The following FAM168B variants were observed in gnomAD, a reference collection of about 807,000 sequenced individuals.
FAM168B encodes family with sequence similarity 168 member B.
FAM168B carries 19 observed loss-of-function variants against 21.8 expected under a neutral mutation model. The ratio of observed to expected loss-of-function variants is 0.87; its 90% confidence interval spans 0.61 to 1.28. The LOEUF (loss-of-function observed/expected upper bound fraction) is 1.28, where lower values mean the gene tolerates loss of function less well. Ranked by LOEUF, FAM168B falls within the 50% of genes most tolerant of loss-of-function variation. The pLI is 0.00. For synonymous variants in FAM168B, 126 were observed against 104.8 expected (o/e 1.20, Z -1.24); for missense variants, 233 against 263.1 (o/e 0.89, Z 0.79).
At position 131,087,286 on chromosome 2, in the gene FAM168B, T is replaced by C. The variant is rs1270988100; in HGVS notation, c.-11-4629A>G. 2.6e-5 allele frequency among the ~76,000 whole-genome samples: 4 copies of C among 152,066 alleles called. No individual in the cohort carries two copies. The South Asian group carries it at 6.2e-4, about 24-fold the overall frequency. ...GAGTTGGAGACCAGCCTAGCCAACATGGTGAAACCCCATCTCTACTAAAAA... is the reference window on the plus strand; with the variant it reads ...GAGTTGGAGACCAGCCTAGCCAACACGGTGAAACCCCATCTCTACTAAAAA... On this transcript the variant is annotated intron_variant, in intron 1 of 6. Coordinates refer to ENST00000389915, the MANE Select transcript of FAM168B (RefSeq NM_001009993.4).
Position 131,051,121 on chromosome 2 carries a change from T to C in FAM168B, c.*1344A>G, listed in dbSNP as rs1230126061. 1 of 985,308 alleles carries C rather than the reference T, an allele frequency of 1.0e-6. No homozygotes were observed. The highest frequency in any genetic ancestry group is 1.2e-6 in the Non-Finnish European group (1 of 829,966). The allele number at this position is 985,308 out of a possible 1,614,324, so 61.0% of individuals were successfully genotyped here. On this transcript the variant is annotated 3_prime_UTR_variant, in exon 7 of 7. Coordinates refer to ENST00000389915, the MANE Select transcript of FAM168B (RefSeq NM_001009993.4). ...GCCTGGCCCTCTCTGCTGTCTGTGC[T>C]TGCTTTGTGCCAAGTGCCCTCAGCT...
chr2:131,086,468 T>A (rs1693703786), intron 1 of FAM168B, among the ~76,000 whole-genome samples: 1 of 152,138 alleles, frequency 6.6e-6, no homozygotes, highest in African/African-American at 2.4e-5. Flanking sequence ...AAAGATCAGC[T>A]GGATGCGGTG....
intron 2 of FAM168B, among the ~76,000 whole-genome samples, chr2:131,076,491 T>C (rs924224462): frequency 2.2e-4 from 33 of 150,154 alleles, no homozygotes; most frequent in African/African-American, 7.8e-4. Context: ...CTAATAAAAG[T>C]ACAAAAAAAA....
In FAM168B at chr2:131,071,797, C is replaced by T. The variant is rs1692882328; in HGVS notation, c.154+58G>A. ...CTATACCCACCCCTCTCAAAATCCA[C>T]CCCTTCACCTTTCTCTCCCAGCTGT... On this transcript the variant is annotated intron_variant, in intron 3 of 6. Transcript: ENST00000389915. The T allele has an allele frequency of 4.8e-6, 7 of 1,465,368 alleles. No homozygotes were observed. In the East Asian group the frequency reaches 1.6e-4, roughly 33 times the overall value. The allele number at this position is 1,465,368 out of a possible 1,614,324, so 90.8% of individuals were successfully genotyped here.
At position 131,055,744 on chromosome 2, in the gene FAM168B, G is replaced by A. The variant is rs78485427; in HGVS notation, c.155-49C>T. 1.1e-3 allele frequency: 1,715 copies of A among 1,593,014 alleles called. 12 individuals carry two copies. The African/African-American group carries it at 0.019, about 18-fold the overall frequency. ...TGAGTTCACCCAAGCCGGTCCAGGC[G>A]CAGGGAGAGGACACAGGCAGGGAGG... On this transcript the variant is annotated intron_variant, in intron 3 of 6. Transcript: ENST00000389915.
At chr2:131,085,894 G>T (rs984171587) in intron 1 of FAM168B, among the ~76,000 whole-genome samples, 1 of 152,202 alleles carries the variant, frequency 6.6e-6, no homozygotes, top group South Asian at 2.1e-4. Context: ...CATCTGAAAA[G>T]TAAGGCTAAA....
At chr2:131,054,891 A>C (rs1208480060) in intron 5 of FAM168B, among the ~76,000 whole-genome samples, 1 of 152,212 alleles carries the variant, frequency 6.6e-6, no homozygotes, top group African/African-American at 2.4e-5. Context: ...ATCCCGATGA[A>C]GACAACTGAC....
chr2:131,057,392 A>C (rs967911312), intron 3 of FAM168B, among the ~76,000 whole-genome samples: 2 of 152,220 alleles, frequency 1.3e-5, no homozygotes, highest in Admixed American at 6.5e-5. Flanking sequence ...CTTTCCAAAG[A>C]AGCTGGAAAC....
rs893619957 is a variant in FAM168B, at chr2:131,050,656, A to G, written c.*1809T>C. The G allele has an allele frequency of 2.4e-5, 24 of 984,974 alleles. No homozygotes were observed. The African/African-American group carries it at 3.7e-4, about 15-fold the overall frequency. 61.0% of individuals were successfully genotyped at this position (984,974 alleles called of 1,614,324 possible). A position where few individuals can be genotyped will look rare whatever the true frequency, so the allele number is the denominator to read the frequency against. Reference sequence around the variant, plus strand: ...AACTTCTTATAAAATAAGATGTGAAAAAGAAAATTATAAGAAGTACTTACT... The same window carrying G: ...AACTTCTTATAAAATAAGATGTGAAGAAGAAAATTATAAGAAGTACTTACT... On this transcript the variant is annotated 3_prime_UTR_variant, in exon 7 of 7. Transcript: ENST00000389915.
intron 3 of FAM168B, among the ~76,000 whole-genome samples, chr2:131,062,165 G>A (rs1245441608): frequency 6.6e-6 from 1 of 152,178 alleles, no homozygotes; most frequent in African/African-American, 2.4e-5. Context: ...AAGAGAAGAT[G>A]CAAGCTGCCA....
rs1691984030 is a variant in FAM168B at position 131,055,713 on chromosome 2, A to G, written c.155-18T>C. On this transcript the variant is annotated intron_variant, in intron 3 of 6. Coordinates refer to ENST00000389915, the MANE Select transcript of FAM168B (RefSeq NM_001009993.4). ...AGTGTAACCTGGAACAAAGAAGGCA[A>G]TGGCCTGAGTTCACCCAAGCCGGTC... The G allele has an allele frequency of 6.2e-7, 1 of 1,612,376 alleles. No homozygotes were observed. Among genetic ancestry groups the G allele is most frequent in the African/African-American group, 1.3e-5 (1 of 74,986 alleles).
In FAM168B at chr2:131,049,878, T is replaced by C; in HGVS notation, c.*2587A>G. ...TCTATTTCTTAATTGACTTTAATTT[T>C]ACTAGAAGCGAATGTTGATAAAATT... On this transcript the variant is annotated 3_prime_UTR_variant, in exon 7 of 7. Transcript: ENST00000389915. 1 of 985,756 alleles carries C rather than the reference T, an allele frequency of 1.0e-6. No individual in the cohort carries two copies. Among genetic ancestry groups the C allele is most frequent in the Non-Finnish European group, 1.2e-6 (1 of 829,940 alleles). 61.1% of individuals were successfully genotyped at this position (985,756 alleles called of 1,614,324 possible).
At chr2:131,091,750 T>C (rs1197493214) in intron 1 of FAM168B, among the ~76,000 whole-genome samples, 1 of 152,052 alleles carries the variant, frequency 6.6e-6, no homozygotes, top group Non-Finnish European at 1.5e-5. Flanking sequence ...CATGTATTTC[T>C]GCACAGTACA....
Position 131,055,252 on chromosome 2 carries a change from C to T in FAM168B, c.475+20G>A, listed in dbSNP as rs757876838. 1 of 1,526,818 alleles carries T rather than the reference C, an allele frequency of 6.5e-7. No individual in the cohort carries two copies. The highest frequency in any genetic ancestry group is 8.7e-7 in the Non-Finnish European group (1 of 1,142,958). The allele number at this position is 1,526,818 out of a possible 1,614,324, so 94.6% of individuals were successfully genotyped here. A position where few individuals can be genotyped will look rare whatever the true frequency, so the allele number is the denominator to read the frequency against. ...TCTAGGGTACACCATAGGACAGACA[C>T]CGCAGGAACGAGGACTTACCTGCTG... is the stretch of plus-strand genomic sequence containing the variant. On this transcript the variant is annotated intron_variant, in intron 5 of 6. Transcript: ENST00000389915.
At chr2:131,085,052 G>C (rs1693613525) in intron 1 of FAM168B, among the ~76,000 whole-genome samples, 1 of 152,156 alleles carries the variant, frequency 6.6e-6, no homozygotes, top group Admixed American at 6.6e-5. Context: ...TGGTTATAAA[G>C]ATTAAGGTGA....
At chr2:131,056,165 G>A (rs1198110267) in intron 3 of FAM168B, among the ~76,000 whole-genome samples, 1 of 152,128 alleles carries the variant, frequency 6.6e-6, no homozygotes, top group African/African-American at 2.4e-5. Flanking sequence ...GTTTGTTACA[G>A]CAAAAACAGG....
chr2:131,070,189 G>A (rs1176814099), intron 3 of FAM168B, among the ~76,000 whole-genome samples: 2 of 152,074 alleles, frequency 1.3e-5, no homozygotes, highest in Admixed American at 6.6e-5. Flanking sequence ...TTTAAAAGAC[G>A]TTGTTAAAAG....
intron 1 of FAM168B, among the ~76,000 whole-genome samples, chr2:131,092,047 G>C (rs1490172128): frequency 6.6e-6 from 1 of 151,648 alleles, no homozygotes; most frequent in Non-Finnish European, 1.5e-5. Context: ...GGGAGGCTGA[G>C]GCAAAAGACT....
At chr2:131,075,275 TAAAA>T (rs1172103189) in intron 2 of FAM168B, among the ~76,000 whole-genome samples, 2 of 144,158 alleles carry the variant, frequency 1.4e-5, no homozygotes, top group African/African-American at 2.6e-5. Flanking sequence ...TTCCTTCTTT[TAAAA>T]AAAAAAAAAA....
Sources: gnomAD v4.1 joint callset for allele counts (sites outside exome capture counted in the v4.1 genomes callset) on GRCh38, gnomAD v4.1.1 for gene constraint, MANE v1.5 for transcripts, NCBI Gene and HGNC (gene_info 2026-07-23, HGNC 2026-07-21) for gene names.